ST6GAL2: variants seen among roughly 807,000 people sequenced by gnomAD.
ST6GAL2 encodes the protein beta-galactoside alpha-2,6-sialyltransferase 2.
Under a neutral mutation model 37.5 loss-of-function variants are expected in ST6GAL2, and 24 were observed. The observed-to-expected ratio is 0.64, with a 90% CI of 0.46 to 0.90. ST6GAL2 has a LOEUF of 0.90. Among genes scored for constraint, ST6GAL2 ranks in the 40% least tolerant of loss-of-function variants. The pLI is 0.00. For missense variants in ST6GAL2, 715 were observed against 712.7 expected (o/e 1.00, Z -0.04); for synonymous variants, 306 against 295.1 (o/e 1.04, Z -0.38).
chr2:106,841,015 C>T (rs985849404), intron 2 of ST6GAL2, among the ~76,000 whole-genome samples: 3 of 152,228 alleles, frequency 2.0e-5, no homozygotes, highest in African/African-American at 4.8e-5. Context: ...AAATTGCAGG[C>T]TGCTCTGCTC....
rs1260390177 is a variant in ST6GAL2 at position 106,843,503 on chromosome 2, G to A, written c.475C>T (p.Arg159Trp). The A allele has an allele frequency of 4.3e-6, 7 of 1,613,892 alleles. No individual in the cohort carries two copies. The highest frequency in any genetic ancestry group is 5.9e-6 in the Non-Finnish European group (7 of 1,179,994). Residue 159 changes from arginine (R) to tryptophan (W), a missense_variant, in exon 2 of 6, where the codon CGG (arginine) becomes TGG (tryptophan). This residue lies in a region of ST6GAL2 where 512 missense variants were observed against 488.8 expected (regional missense o/e 1.05). Transcript: ENST00000409382. ...TGTGCAGCCGGAAAAGCCCCCTCCC[G>A]TGGGCCTGGCTCCCCGGGGGAAGGG... ...GFPSPGEPGP[R>W]EGAFPAAQVQ...
chr2:106,819,703 T>C (rs537615183), intron 5 of ST6GAL2, among the ~76,000 whole-genome samples: 24 of 152,104 alleles, frequency 1.6e-4, no homozygotes, highest in Admixed American at 3.9e-4. Context: ...GTACATAGAA[T>C]ATTATAATAA....
intron 1 of ST6GAL2, among the ~76,000 whole-genome samples, chr2:106,849,652 G>GT (rs2104542998): frequency 6.6e-6 from 1 of 152,230 alleles, no homozygotes; most frequent in East Asian, 1.9e-4. Flanking sequence ...AAATGTGAGT[G>GT]TAACACCTTT....
intron 5 of ST6GAL2, among the ~76,000 whole-genome samples, chr2:106,817,818 G>A (rs1234957817): frequency 6.6e-6 from 1 of 152,212 alleles, no homozygotes; most frequent in African/African-American, 2.4e-5. Flanking sequence ...TTCTTGACCT[G>A]CCCTGGGCCA....
chr2:106,807,888 T>G (rs554357784), intron 5 of ST6GAL2, among the ~76,000 whole-genome samples: 285 of 152,266 alleles, frequency 1.9e-3, no homozygotes, highest in African/African-American at 6.5e-3. Context: ...CCTCTCAAAG[T>G]GCTGGGATTA....
In ST6GAL2 at chr2:106,813,224, C is replaced by T. The variant is rs140361370; in HGVS notation, c.1319-6275G>A. On this transcript the variant is annotated intron_variant, in intron 5 of 5. Coordinates refer to ENST00000409382, the MANE Select transcript of ST6GAL2 (RefSeq NM_001142351.2). ...GATATGGCCAATTTTTACAAATGAG[C>T]CTATATGAGGGATTCATTTGAAGAA... is the stretch of plus-strand genomic sequence containing the variant. 1,593 of 1,348,956 alleles carry T rather than the reference C, an allele frequency of 1.2e-3. 14 individuals are homozygous for T. The African/African-American group carries it at 0.022, about 19-fold the overall frequency. 83.6% of individuals were successfully genotyped at this position (1,348,956 alleles called of 1,614,324 possible).
chr2:106,823,936 C>A (rs1020700486), intron 5 of ST6GAL2, among the ~76,000 whole-genome samples: 1 of 152,152 alleles, frequency 6.6e-6, no homozygotes, highest in African/African-American at 2.4e-5. Flanking sequence ...ACCTAATCAC[C>A]TCCCAATGGT....
intron 1 of ST6GAL2, among the ~76,000 whole-genome samples, chr2:106,861,607 C>T (rs1677798589): frequency 1.3e-5 from 2 of 151,816 alleles, no homozygotes; most frequent in Non-Finnish European, 2.9e-5. Flanking sequence ...AATAGATGTT[C>T]ATTTATTCTT....
At chr2:106,822,962 A>G (rs1001635918) in intron 5 of ST6GAL2, 1 of 152,200 alleles carries the variant, frequency 6.6e-6, no homozygotes, top group South Asian at 2.1e-4. Context: ...AAACAGAATC[A>G]TTGTTATCTT....
chr2:106,811,410 C>G (rs34260184), intron 5 of ST6GAL2, among the ~76,000 whole-genome samples: 32,920 of 151,900 alleles, frequency 0.22, 4,116 homozygotes, highest in East Asian at 0.49. Context: ...AGGACGGGGA[C>G]AGGATTAGGG....
At chr2:106,831,928 C>T (rs1272529543) in intron 4 of ST6GAL2, among the ~76,000 whole-genome samples, 1 of 152,224 alleles carries the variant, frequency 6.6e-6, no homozygotes, top group Non-Finnish European at 1.5e-5. Flanking sequence ...GATAAACAAG[C>T]ATGCTGGCTT....
intron 1 of ST6GAL2, among the ~76,000 whole-genome samples, chr2:106,851,758 C>T (rs569356386): frequency 6.6e-6 from 1 of 151,490 alleles, no homozygotes; most frequent in East Asian, 1.9e-4. Flanking sequence ...GACACACTCA[C>T]GTCCTTTTTT....
chr2:106,860,054 G>A (rs1275486367), intron 1 of ST6GAL2, among the ~76,000 whole-genome samples: 1 of 152,012 alleles, frequency 6.6e-6, no homozygotes, highest in South Asian at 2.1e-4. Flanking sequence ...CCTGGGACAA[G>A]CCTGCTCTAG....
At chr2:106,853,264 C>G (rs1294265196) in intron 1 of ST6GAL2, among the ~76,000 whole-genome samples, 2 of 152,208 alleles carry the variant, frequency 1.3e-5, no homozygotes, top group East Asian at 1.9e-4. Flanking sequence ...CATGCCCCGC[C>G]TTCGTCAGAG....
chr2:106,807,846 A>G (rs966058524), intron 5 of ST6GAL2, among the ~76,000 whole-genome samples: 13 of 152,068 alleles, frequency 8.5e-5, no homozygotes, highest in South Asian at 6.2e-4. Flanking sequence ...GGATGGTCTC[A>G]ATCTCCTGAC....
chr2:106,808,851 CA>C (rs1175716862), intron 5 of ST6GAL2, among the ~76,000 whole-genome samples: 1 of 152,070 alleles, frequency 6.6e-6, no homozygotes, highest in African/African-American at 2.4e-5. Context: ...ACTAAAAATA[CA>C]AAAAACTAGC....
chr2:106,822,216 T>C (rs2104443504), intron 5 of ST6GAL2, among the ~76,000 whole-genome samples: 1 of 152,234 alleles, frequency 6.6e-6, no homozygotes, highest in South Asian at 2.1e-4. Flanking sequence ...AGCAGTCAAA[T>C]GATCCTTGTT....
Position 106,832,457 on chromosome 2 carries a change from G to A in ST6GAL2, c.1143+108C>T, listed in dbSNP as rs1353919861. 4.8e-6 allele frequency: 3 copies of A among 627,368 alleles called. No individual in the cohort carries two copies. In the Admixed American group the frequency reaches 9.0e-5, roughly 19 times the overall value. The allele number at this position is 627,368 out of a possible 1,614,324, so 38.9% of individuals were successfully genotyped here. On this transcript the variant is annotated intron_variant, in intron 4 of 5. Transcript: ENST00000409382. ...AAACATGCATTAAATTGATATTGAT[G>A]GGTACTTTCATTGTCTGTCAAAGCT...
intron 1 of ST6GAL2, among the ~76,000 whole-genome samples, chr2:106,878,882 T>C (rs150855381): frequency 6.6e-6 from 1 of 152,154 alleles, no homozygotes; most frequent in African/African-American, 2.4e-5. Flanking sequence ...AGAACAAGAT[T>C]GAGCTAATTC....
Sources: gnomAD v4.1 joint callset for allele counts (sites outside exome capture counted in the v4.1 genomes callset) on GRCh38, gnomAD v4.1.1 for gene constraint, gnomAD v4.1.1 regional missense constraint, MANE v1.5 for transcripts, NCBI Gene and HGNC (gene_info 2026-07-23, HGNC 2026-07-21) for gene names.